ZNF469: variants seen among roughly 807,000 people sequenced by gnomAD.
ZNF469 encodes zinc finger protein 469.
Under a neutral mutation model 1.0 loss-of-function variants are expected in ZNF469, and 1 was observed. The ratio of observed to expected loss-of-function variants is 1.00; its 90% confidence interval spans 0.35 to 4.73. The LOEUF is 4.73. Among genes scored for constraint, ZNF469 ranks in the 30% most tolerant of loss-of-function variants. The pLI is 0.16. For synonymous variants in ZNF469, 2,703 were observed against 2,363.4 expected, an observed-to-expected ratio of 1.14 and a Z score of -4.17; for missense variants, 6,100 against 5,356.3, an observed-to-expected ratio of 1.14 and a Z score of -4.33.
At chr16:88,113,340 G>C in the ZNF469 span, among the ~76,000 whole-genome samples, 84 of 152,320 alleles carry the variant, frequency 5.5e-4, no homozygotes, top group South Asian at 0.017. Flanking sequence ...TCCCAGCACC[G>C]TTTATGGAAG....
the ZNF469 span, among the ~76,000 whole-genome samples, chr16:88,332,995 G>A: frequency 1.3e-5 from 2 of 152,324 alleles, no homozygotes; most frequent in South Asian, 2.1e-4. Context: ...AGCCTCTGTG[G>A]CACCCAGAGG....
chr16:88,353,790 C>G, the ZNF469 span, among the ~76,000 whole-genome samples: 10 of 152,184 alleles, frequency 6.6e-5, no homozygotes, highest in African/African-American at 2.2e-4. Context: ...GGCAGAGATT[C>G]TGGGGATGCG....
chr16:88,175,780 A>C, the ZNF469 span, among the ~76,000 whole-genome samples: 1 of 152,262 alleles, frequency 6.6e-6, no homozygotes, highest in Non-Finnish European at 1.5e-5. Flanking sequence ...GAGAAACTAG[A>C]GAAAGAAGAG....
the ZNF469 span, among the ~76,000 whole-genome samples, chr16:88,283,043 C>T: frequency 0.096 from 14,591 of 152,190 alleles, 2,285 homozygotes; most frequent in African/African-American, 0.33. Flanking sequence ...AGTTGGCAAA[C>T]CCAGGAGAAA....
the ZNF469 span, among the ~76,000 whole-genome samples, chr16:88,294,252 C>A: frequency 2.0e-4 from 31 of 152,214 alleles, 1 homozygote; most frequent in Admixed American, 1.8e-3. Flanking sequence ...AACCAGTGTG[C>A]CGCCATGCCA....
chr16:88,285,754 G>A, the ZNF469 span, among the ~76,000 whole-genome samples: 4 of 152,266 alleles, frequency 2.6e-5, no homozygotes, highest in Non-Finnish European at 4.4e-5. Context: ...GGGCAGTGAG[G>A]GGGTTGGGAG....
chr16:88,229,500 T>C, the ZNF469 span, among the ~76,000 whole-genome samples: 1 of 151,662 alleles, frequency 6.6e-6, no homozygotes, highest in East Asian at 1.9e-4. Context: ...GTGCTAGTCC[T>C]GTCTGAATGA....
chr16:88,161,784 C>T, the ZNF469 span, among the ~76,000 whole-genome samples: 18 of 152,166 alleles, frequency 1.2e-4, no homozygotes, highest in African/African-American at 4.3e-4. Flanking sequence ...CGAGGGACAG[C>T]CGAGGAAGCC....
the ZNF469 span, among the ~76,000 whole-genome samples, chr16:88,108,277 G>A: frequency 6.6e-6 from 1 of 151,450 alleles, no homozygotes; most frequent in Non-Finnish European, 1.5e-5. Context: ...GGATGGAGGT[G>A]CACAGAGGAC....
At chr16:88,333,266 G>A in the ZNF469 span, among the ~76,000 whole-genome samples, 1 of 152,056 alleles carries the variant, frequency 6.6e-6, no homozygotes, top group Non-Finnish European at 1.5e-5. Flanking sequence ...GGGAGAGAAG[G>A]CTCCGGACTT....
At chr16:88,233,116 TGTTCCTGTGTG>T in the ZNF469 span, among the ~76,000 whole-genome samples, 5 of 152,222 alleles carry the variant, frequency 3.3e-5, no homozygotes, top group African/African-American at 1.2e-4. Flanking sequence ...AAAGACTCAC[TGTTCCTGTGTG>T]GGGAACTGAG....
the ZNF469 span, among the ~76,000 whole-genome samples, chr16:88,249,815 G>A: frequency 0.24 from 36,995 of 151,502 alleles, 4,543 homozygotes; most frequent in South Asian, 0.45. Flanking sequence ...CTCCCTGCTT[G>A]GCCTCCCACA....
chr16:88,316,045 C>T, the ZNF469 span, among the ~76,000 whole-genome samples: 37 of 152,340 alleles, frequency 2.4e-4, no homozygotes, highest in African/African-American at 8.9e-4. Context: ...ACCTGGACCA[C>T]GCGTCACCAG....
chr16:88,405,269 C>T lies in ZNF469; in HGVS notation c.-191-19538C>T, dbSNP rs541530167. ...CCTTGGGGTGTGGCCTCATACAGGA[C>T]GAGGCTGGCACACGGGTAGCCCCTG... On this transcript the variant is annotated intron_variant, in intron 1 of 2. Coordinates refer to ENST00000565624, the MANE Select transcript of ZNF469 (RefSeq NM_001367624.2). 1.4e-3 allele frequency among the ~76,000 whole-genome samples: 204 copies of T among 145,862 alleles called. 1 individual carries two copies. The highest frequency in any genetic ancestry group is 5.0e-3 in the African/African-American group (196 of 39,336).
the ZNF469 span, among the ~76,000 whole-genome samples, chr16:88,106,861 C>G: frequency 6.6e-6 from 1 of 152,218 alleles, no homozygotes; most frequent in Admixed American, 6.5e-5. Context: ...GGCGGGAATC[C>G]CACTGTCTGC....
chr16:88,112,482 G>T, the ZNF469 span, among the ~76,000 whole-genome samples: 17 of 152,142 alleles, frequency 1.1e-4, no homozygotes, highest in Non-Finnish European at 2.1e-4. Flanking sequence ...CATTTTAACC[G>T]GGGTGAGGTG....
At chr16:88,103,418 C>A in the ZNF469 span, among the ~76,000 whole-genome samples, 1 of 152,202 alleles carries the variant, frequency 6.6e-6, no homozygotes, top group Non-Finnish European at 1.5e-5. Flanking sequence ...TGCCAGAGAC[C>A]CAGCTCAGAA....
At chr16:88,203,736 G>GTGTGTA in the ZNF469 span, among the ~76,000 whole-genome samples, 2 of 152,018 alleles carry the variant, frequency 1.3e-5, no homozygotes, top group Admixed American at 6.5e-5. Flanking sequence ...CCCTGTGTGT[G>GTGTGTA]TGTGTGTGTG....
chr16:88,224,864 C>T, the ZNF469 span, among the ~76,000 whole-genome samples: 3 of 152,222 alleles, frequency 2.0e-5, no homozygotes, highest in East Asian at 3.8e-4. Flanking sequence ...GGGTCCCCAG[C>T]GGCTCAGGGT....
Sources: gnomAD v4.1 joint callset for allele counts (sites outside exome capture counted in the v4.1 genomes callset) on GRCh38, gnomAD v4.1.1 for gene constraint, MANE v1.5 for transcripts, NCBI Gene and HGNC (gene_info 2026-07-23, HGNC 2026-07-21) for gene names.